The following HHIP variants were observed in gnomAD, a reference collection of about 807,000 sequenced individuals.
HHIP encodes the protein hedgehog interacting protein.
In HHIP, 12 loss-of-function variants were observed where a neutral mutation model predicts 74.0. That is an observed-to-expected ratio of 0.16 (90% CI 0.10 to 0.26). HHIP has a LOEUF of 0.26. HHIP is among the 10% of genes least tolerant of loss of function. The pLI, the probability that HHIP is intolerant of heterozygous loss-of-function variation, is 1.00. For missense variants in HHIP, 788 were observed against 845.0 expected (o/e 0.93, Z 0.84); for synonymous variants, 309 against 311.6 (o/e 0.99, Z 0.09).
At chr4:144,661,167 A>T (rs1487836631) in intron 4 of HHIP, 1 of 152,138 alleles carries the variant, frequency 6.6e-6, no homozygotes, top group Non-Finnish European at 1.5e-5. Flanking sequence ...TCCCTATTTC[A>T]ATTTACACCC....
chr4:144,678,053 G>A (rs535477003), intron 4 of HHIP, among the ~76,000 whole-genome samples: 5 of 152,212 alleles, frequency 3.3e-5, no homozygotes, highest in East Asian at 3.9e-4. Flanking sequence ...AAAAGGAGTC[G>A]CTGAATCCTT....
intron 4 of HHIP, among the ~76,000 whole-genome samples, chr4:144,693,000 GCATA>G (rs1729717143): frequency 1.3e-5 from 2 of 152,116 alleles, no homozygotes; most frequent in South Asian, 4.1e-4. Flanking sequence ...GAAGCAACTG[GCATA>G]CCACATCTGC....
chr4:144,701,869 T>C (rs1305491281), intron 4 of HHIP, among the ~76,000 whole-genome samples: 1 of 152,122 alleles, frequency 6.6e-6, no homozygotes, highest in African/African-American at 2.4e-5. Flanking sequence ...TGAAGGACAT[T>C]AGGGCAAATT....
intron 4 of HHIP, among the ~76,000 whole-genome samples, chr4:144,683,995 A>T (rs1578697252): frequency 6.6e-6 from 1 of 151,284 alleles, no homozygotes; most frequent in Non-Finnish European, 1.5e-5. Context: ...CCCAGGAGGC[A>T]GAGGTTGCAG....
At chr4:144,652,552 T>C in intron 1 of HHIP, 53 bp from the exon 2 acceptor site, 1 of 1,114,460 alleles carries the variant, frequency 9.0e-7, no homozygotes, top group Non-Finnish European at 1.3e-6. Context: ...TAATAATAGC[T>C]AAACCTAAAT....
At chr4:144,737,660 T>C in intron 12 of HHIP, 104 bp from the exon 13 acceptor site, 1 of 990,276 alleles carries the variant, frequency 1.0e-6, no homozygotes, top group Non-Finnish European at 1.4e-6. Context: ...CCTCCTTTTT[T>C]CCCTCGCTTC....
chr4:144,673,568 A>T (rs901627095), intron 4 of HHIP, among the ~76,000 whole-genome samples: 10 of 152,194 alleles, frequency 6.6e-5, no homozygotes. Flanking sequence ...AAGGGGGGAA[A>T]ATATGATTAT....
intron 4 of HHIP, among the ~76,000 whole-genome samples, chr4:144,671,166 T>TA (rs1273793861): frequency 1.3e-5 from 2 of 152,164 alleles, no homozygotes; most frequent in African/African-American, 4.8e-5. Flanking sequence ...AAGTTAATAA[T>TA]ATATTTACAC....
chr4:144,665,903 A>G (rs774391465), intron 4 of HHIP, among the ~76,000 whole-genome samples: 9 of 152,150 alleles, frequency 5.9e-5, no homozygotes, highest in Non-Finnish European at 1.2e-4. Flanking sequence ...TAATATCTTT[A>G]TATTTACCTA....
intron 7 of HHIP, among the ~76,000 whole-genome samples, chr4:144,708,660 T>C (rs1730212328): frequency 6.6e-6 from 1 of 151,368 alleles, no homozygotes; most frequent in Non-Finnish European, 1.5e-5. Context: ...TTTTGATTTG[T>C]CTCCTTAAAT....
chr4:144,656,363 T>C (rs1023520122), intron 2 of HHIP, among the ~76,000 whole-genome samples: 3 of 152,336 alleles, frequency 2.0e-5, no homozygotes, highest in Non-Finnish European at 4.4e-5. Context: ...AAGCAGGCAT[T>C]GTACCTCTGG....
chr4:144,681,436 T>G (rs1000803333), intron 4 of HHIP, among the ~76,000 whole-genome samples: 12 of 148,646 alleles, frequency 8.1e-5, no homozygotes, highest in Non-Finnish European at 1.2e-4. Flanking sequence ...TTTTTTTTTT[T>G]TTTTTTTGAG....
chr4:144,685,687 G>C (rs1312086897), intron 4 of HHIP: 1 of 152,082 alleles, frequency 6.6e-6, no homozygotes, highest in Non-Finnish European at 1.5e-5. Context: ...AAAAAAAATA[G>C]AAGAAGGAAG....
In HHIP at chr4:144,646,274, C is replaced by G; in HGVS notation, c.-402C>G. On this transcript the variant is annotated 5_prime_UTR_variant, in exon 1 of 13. Transcript: ENST00000296575. The stretch of plus-strand genomic sequence containing the variant: ...GCCGCCGTCGCCGTTTCTGTTCCTG[C>G]TACTGTCCCACCTAAACAACTCCCG... The G allele has an allele frequency of 5.7e-6, 1 of 174,128 alleles. No homozygotes were observed. The highest frequency in any genetic ancestry group is 1.5e-4 in the South Asian group (1 of 6,682). 10.8% of individuals were successfully genotyped at this position (174,128 alleles called of 1,614,324 possible).
At chr4:144,676,092 T>C (rs1014045347) in intron 4 of HHIP, among the ~76,000 whole-genome samples, 1 of 152,122 alleles carries the variant, frequency 6.6e-6, no homozygotes. Context: ...GGAGAGAAAT[T>C]CAATGGTGAA....
In HHIP at chr4:144,647,022, G is replaced by A; in HGVS notation, c.279+68G>A. 8.5e-6 allele frequency: 12 copies of A among 1,419,492 alleles called. No individual in the cohort carries two copies. The South Asian group carries it at 1.5e-4, about 18-fold the overall frequency. The allele number at this position is 1,419,492 out of a possible 1,614,324, so 87.9% of individuals were successfully genotyped here. On this transcript the variant is annotated intron_variant, in intron 1 of 12. Coordinates refer to ENST00000296575, the MANE Select transcript of HHIP (RefSeq NM_022475.3). ...GCTGGGTGGGGTTCCCTGTGGCTCT[G>A]GCAAAGCCGGTGGTTGTAAGAAGGT... is the stretch of plus-strand genomic sequence containing the variant.
In HHIP at chr4:144,739,721, A is replaced by G. The variant is rs1234364461; in HGVS notation, c.*1764A>G. 1 of 152,240 alleles carries G rather than the reference A, an allele frequency of 6.6e-6. No individual in the cohort carries two copies. Among genetic ancestry groups the G allele is most frequent in the African/African-American group, 2.4e-5 (1 of 41,472 alleles). The allele number at this position is 152,240 out of a possible 1,614,324, so 9.4% of individuals were successfully genotyped here. ...ATAGCCTGCATTAAAAAGTGCATGC[A>G]TAATTTTGCACAATTTAGATTCAAT... On this transcript the variant is annotated 3_prime_UTR_variant, in exon 13 of 13. Transcript: ENST00000296575.
chr4:144,733,540 G>T (rs1731019979), intron 11 of HHIP, among the ~76,000 whole-genome samples: 1 of 152,104 alleles, frequency 6.6e-6, no homozygotes, highest in Non-Finnish European at 1.5e-5. Context: ...CCAAAAAATT[G>T]AGTCTACAGG....
chr4:144,689,124 T>A (rs953476373), intron 4 of HHIP, among the ~76,000 whole-genome samples: 3 of 151,802 alleles, frequency 2.0e-5, no homozygotes, highest in Non-Finnish European at 4.4e-5. Flanking sequence ...CCTGCACACA[T>A]GTGATTTACA....
Sources: gnomAD v4.1 joint callset for allele counts (sites outside exome capture counted in the v4.1 genomes callset) on GRCh38, gnomAD v4.1.1 for gene constraint, MANE v1.5 for transcripts, NCBI Gene and HGNC (gene_info 2026-07-23, HGNC 2026-07-21) for gene names.